The following VEPH1 variants were observed in gnomAD, a reference collection of about 807,000 sequenced individuals.
VEPH1 encodes the protein ventricular zone expressed PH domain containing 1, also known as ventricular zone-expressed PH domain-containing protein homolog 1.
A neutral mutation model predicts 85.2 loss-of-function variants in VEPH1; 80 were observed. That is an observed-to-expected ratio of 0.94 (90% CI 0.78 to 1.13). The LOEUF is 1.13. Ranked by LOEUF, VEPH1 falls within the 50% of genes most tolerant of loss-of-function variation. VEPH1 has a pLI of 0.00. For synonymous variants in VEPH1, 297 were observed against 348.0 expected (o/e 0.85, Z 1.63); for missense variants, 955 against 980.5 (o/e 0.97, Z 0.35).
At chr3:157,445,774 C>T (rs756969638) in intron 4 of VEPH1, among the ~76,000 whole-genome samples, 15 of 152,100 alleles carry the variant, frequency 9.9e-5, no homozygotes, top group Admixed American at 2.6e-4. Context: ...GGCAACAGAG[C>T]GAGACTTCAT....
chr3:157,374,953 T>C (rs1047623877), intron 7 of VEPH1, among the ~76,000 whole-genome samples: 2 of 152,172 alleles, frequency 1.3e-5, no homozygotes, highest in African/African-American at 2.4e-5. Context: ...CTGGACTAGA[T>C]TAAAAGAAGA....
intron 9 of VEPH1, among the ~76,000 whole-genome samples, chr3:157,319,950 A>G (rs973044262): frequency 4.6e-5 from 7 of 152,192 alleles, no homozygotes; most frequent in African/African-American, 9.6e-5. Flanking sequence ...TGCTTTCAGT[A>G]CATCTGGTCT....
At chr3:157,397,037 C>G (rs1016025573) in intron 6 of VEPH1, among the ~76,000 whole-genome samples, 1 of 152,122 alleles carries the variant, frequency 6.6e-6, no homozygotes, top group Non-Finnish European at 1.5e-5. Flanking sequence ...CTGATATTAC[C>G]TAGATTTTCT....
intron 2 of VEPH1, among the ~76,000 whole-genome samples, chr3:157,492,273 AG>A (rs1396817793): frequency 6.6e-6 from 1 of 152,216 alleles, no homozygotes. Context: ...AACAGACTTG[AG>A]AACAGCATGA....
At chr3:157,315,844 T>C (rs1720695847) in intron 10 of VEPH1, 1 of 151,322 alleles carries the variant, frequency 6.6e-6, no homozygotes, top group African/African-American at 2.4e-5. Flanking sequence ...AAGCCAAAGA[T>C]GAAACCAAAT....
chr3:157,278,335 A>G (rs1715665793), intron 12 of VEPH1, among the ~76,000 whole-genome samples: 3 of 152,236 alleles, frequency 2.0e-5, no homozygotes, highest in Non-Finnish European at 4.4e-5. Context: ...AAAAGTACAT[A>G]TAAAAGCATT....
intron 12 of VEPH1, among the ~76,000 whole-genome samples, chr3:157,272,853 A>T (rs1714892071): frequency 6.6e-6 from 1 of 151,360 alleles, no homozygotes; most frequent in African/African-American, 2.4e-5. Context: ...CTTTAGAAAG[A>T]CAACAAGCAA....
At chr3:157,322,633 G>A (rs1721471805) in intron 9 of VEPH1, among the ~76,000 whole-genome samples, 1 of 152,180 alleles carries the variant, frequency 6.6e-6, no homozygotes, top group Non-Finnish European at 1.5e-5. Flanking sequence ...GTCCAGAGCA[G>A]GGCTGGACAT....
Position 157,261,139 on chromosome 3 carries a change from G to C in VEPH1, c.2497C>G (p.Leu833Val). ...ERESREVTTY[L>V] ...CATGGCTGACTTATAAATCCCTACA[G>C]ATATGTGGTTACTTCTCTACTTTCC... Residue 833 changes from leucine (L) to valine (V), a missense_variant, in exon 14 of 14, where the codon CTG becomes GTG. Transcript: ENST00000362010. 6.2e-7 allele frequency: 1 copy of C among 1,613,558 alleles called. No individual in the cohort carries two copies. Among genetic ancestry groups the C allele is most frequent in the African/African-American group, 1.3e-5 (1 of 74,956 alleles).
At chr3:157,445,331 A>T (rs1241631628) in intron 4 of VEPH1, among the ~76,000 whole-genome samples, 2 of 152,188 alleles carry the variant, frequency 1.3e-5, no homozygotes, top group African/African-American at 4.8e-5. Context: ...ATTTTAATTT[A>T]AAAAACTACA....
chr3:157,402,921 C>T lies in VEPH1; in HGVS notation c.906+10960G>A, dbSNP rs578237523. ...AGTGTGATAGTGTATTGTTGCTAAG[C>T]CAACTGTTAGATGCATATTTTCTTA... On this transcript the variant is annotated intron_variant, in intron 6 of 13. Coordinates refer to ENST00000362010, the MANE Select transcript of VEPH1 (RefSeq NM_001167912.2). 2.6e-5 allele frequency among the ~76,000 whole-genome samples: 4 copies of T among 152,204 alleles called. No individual in the cohort carries two copies. The South Asian group carries it at 8.3e-4, about 32-fold the overall frequency.
At chr3:157,333,536 C>T (rs1220130008) in intron 9 of VEPH1, among the ~76,000 whole-genome samples, 1 of 152,228 alleles carries the variant, frequency 6.6e-6, no homozygotes, top group Non-Finnish European at 1.5e-5. Context: ...AATACACACA[C>T]ATACCTCTCT....
intron 2 of VEPH1, among the ~76,000 whole-genome samples, chr3:157,490,301 A>T (rs559107786): frequency 6.6e-6 from 1 of 152,084 alleles, no homozygotes; most frequent in Non-Finnish European, 1.5e-5. Context: ...TTACAAGGTA[A>T]GAGATAAACT....
At chr3:157,368,476 G>GTTTTTTTTTTT (rs59050089) in intron 7 of VEPH1, among the ~76,000 whole-genome samples, 1 of 140,386 alleles carries the variant, frequency 7.1e-6, no homozygotes, top group African/African-American at 2.8e-5. Context: ...TAAACAATAA[G>GTTTTTTTTTTT]TTTTTTGTTT....
chr3:157,339,621 G>C (rs142139136), intron 9 of VEPH1, among the ~76,000 whole-genome samples: 2 of 152,276 alleles, frequency 1.3e-5, no homozygotes, highest in Non-Finnish European at 2.9e-5. Flanking sequence ...ATCCTCATCT[G>C]TCTGGAGAAC....
chr3:157,427,640 A>G (rs1245715327), intron 5 of VEPH1, among the ~76,000 whole-genome samples: 1 of 152,002 alleles, frequency 6.6e-6, no homozygotes, highest in Non-Finnish European at 1.5e-5. Context: ...TTTTTTGTAT[A>G]GACAGAGTTT....
In VEPH1 at chr3:157,317,123, C is replaced by T. The variant is rs757848286; in HGVS notation, c.1814G>A (p.Ser605Asn). Residue 605 changes from serine to asparagine, a missense_variant, in exon 10 of 14, where the codon AGT becomes AAT. Ser to Asn is a conservative substitution (Grantham distance 46). Transcript: ENST00000362010. ...AGGTTCTTGGCTGATGAGAATAAAA[C>T]TGGACTTACTGTATAGGCAGTAATG... ...KGHYCLYSKS[S>N]FILISQEPQP... is the part of the protein sequence containing the mutation. The T allele has an allele frequency of 1.2e-5, 19 of 1,613,624 alleles. No individual in the cohort carries two copies. Among genetic ancestry groups the T allele is most frequent in the Non-Finnish European group, 1.6e-5 (19 of 1,179,808 alleles).
chr3:157,317,338 T>C (rs934656687), intron 9 of VEPH1, 137 bp from the exon 10 acceptor site: 49 of 640,150 alleles, frequency 7.7e-5, no homozygotes, highest in Non-Finnish European at 1.1e-4. Context: ...CAAACAACTA[T>C]ATATTTGAGA....
At chr3:157,364,159 G>T in intron 8 of VEPH1, 144 bp downstream of exon 8, 1 of 646,712 alleles carries the variant, frequency 1.5e-6, no homozygotes, top group Non-Finnish European at 2.6e-6. Flanking sequence ...AGAGCATTGT[G>T]GATGATATTT....
Sources: gnomAD v4.1 joint callset for allele counts (sites outside exome capture counted in the v4.1 genomes callset) on GRCh38, gnomAD v4.1.1 for gene constraint, MANE v1.5 for transcripts, NCBI Gene and HGNC (gene_info 2026-07-23, HGNC 2026-07-21) for gene names.